Variants in FXYD5 observed in about 807,000 individuals in gnomAD.
The protein encoded by FXYD5 is FXYD domain-containing ion transport regulator 5.
In FXYD5, 21 loss-of-function variants were observed where a neutral mutation model predicts 25.7. The ratio of observed to expected loss-of-function variants is 0.82; its 90% CI spans 0.58 to 1.18. The LOEUF is 1.18. Among genes scored for constraint, FXYD5 ranks in the 50% most tolerant of loss-of-function variants. FXYD5 has a pLI of 0.00. For synonymous variants in FXYD5, 101 were observed against 90.7 expected (o/e 1.11, Z -0.64); for missense variants, 229 against 227.7 (o/e 1.01, Z -0.04).
chr19:35,168,184 T>A (rs1688045), intron 8 of FXYD5, among the ~76,000 whole-genome samples: 126,849 of 152,170 alleles, frequency 0.83, 53,322 homozygotes, highest in African/African-American at 0.95. Context: ...ATTTGTGGGC[T>A]CCTAGTCTGT....
At chr19:35,157,188 G>C (rs2065363545) in intron 2 of FXYD5, among the ~76,000 whole-genome samples, 1 of 152,150 alleles carries the variant, frequency 6.6e-6, no homozygotes, top group Non-Finnish European at 1.5e-5. Context: ...GGGCTCACTA[G>C]ACTAAACTGA....
At chr19:35,162,754 G>T (rs1313785849) in intron 5 of FXYD5, among the ~76,000 whole-genome samples, 2 of 152,146 alleles carry the variant, frequency 1.3e-5, no homozygotes, top group Non-Finnish European at 2.9e-5. Context: ...CCCTACTTGG[G>T]ATTTCAAAGG....
In FXYD5 at chr19:35,157,492, C is replaced by A. The variant is rs761529729; in HGVS notation, c.133C>A (p.Arg45=). 21 of 1,537,892 alleles carry A rather than the reference C, an allele frequency of 1.4e-5. No individual in the cohort carries two copies. In the African/African-American group the frequency reaches 2.6e-4, roughly 19 times the overall value. The change falls in exon 3 of 9, where the codon CGA becomes AGA. Residue 45 remains arginine (R), a synonymous_variant. Coordinates refer to ENST00000392219, the MANE Select transcript of FXYD5 (RefSeq NM_014164.6). ...TATCATGGACATTCAGGTCCCGACA[C>A]GAGCCCCAGGTGAGGAAAGGGACAC... ...STIMDIQVPT[R]APDAVYTELQ...
chr19:35,169,759 G>T lies in FXYD5; in HGVS notation c.*144G>T. 1 of 650,578 alleles carries T rather than the reference G, an allele frequency of 1.5e-6. No homozygotes were observed. The highest frequency in any genetic ancestry group is 2.8e-6 in the Non-Finnish European group (1 of 361,900). 40.3% of individuals were successfully genotyped at this position (650,578 alleles called of 1,614,324 possible). A position where few individuals can be genotyped will look rare whatever the true frequency, so the allele number is the denominator to read the frequency against. On this transcript the variant is annotated 3_prime_UTR_variant, in exon 9 of 9. Coordinates refer to ENST00000392219, the MANE Select transcript of FXYD5 (RefSeq NM_014164.6). ...AGATGATGAAGCTGGAGCCAGGGCTGCCGGTCCGAGTCTCCTACCTCCCCC... is the reference window on the plus strand; with the variant it reads ...AGATGATGAAGCTGGAGCCAGGGCTTCCGGTCCGAGTCTCCTACCTCCCCC...
intron 6 of FXYD5, among the ~76,000 whole-genome samples, chr19:35,165,250 C>G (rs2065440555): frequency 6.6e-6 from 1 of 152,226 alleles, no homozygotes; most frequent in Non-Finnish European, 1.5e-5. Flanking sequence ...CCACAGGCTG[C>G]TGGTTGCCTG....
intron 4 of FXYD5, among the ~76,000 whole-genome samples, chr19:35,159,329 C>T (rs528751411): frequency 6.6e-6 from 1 of 152,288 alleles, no homozygotes; most frequent in South Asian, 2.1e-4. Context: ...CCAGTGATAC[C>T]ACATCCCATG....
intron 8 of FXYD5, among the ~76,000 whole-genome samples, chr19:35,167,021 A>G (rs1470512076): frequency 6.6e-6 from 1 of 152,148 alleles, no homozygotes; most frequent in African/African-American, 2.4e-5. Context: ...AACCCCACCC[A>G]CTCAATCCAG....
At chr19:35,156,286 G>A (rs950269293) in intron 2 of FXYD5, among the ~76,000 whole-genome samples, 7 of 152,260 alleles carry the variant, frequency 4.6e-5, no homozygotes, top group East Asian at 1.9e-4. Context: ...CACTGAAGGC[G>A]CCCTCATTTC....
chr19:35,169,845 T>C lies in FXYD5; in HGVS notation c.*230T>C, dbSNP rs2065483842. On this transcript the variant is annotated 3_prime_UTR_variant, in exon 9 of 9. Transcript: ENST00000392219. ...GGGGGCTGTCCCTCAAGTTATCTCC[T>C]CTGCTAAGACAAAAAGTAAAGCACT... The C allele has an allele frequency of 3.5e-6, 2 of 566,640 alleles. No individual in the cohort carries two copies. The highest frequency in any genetic ancestry group is 4.1e-5 in the South Asian group (2 of 48,452). The allele number at this position is 566,640 out of a possible 1,614,324, so 35.1% of individuals were successfully genotyped here. A position where few individuals can be genotyped will look rare whatever the true frequency, so the allele number is the denominator to read the frequency against.
intron 4 of FXYD5, chr19:35,159,401 T>C: frequency 1.4e-6 from 2 of 1,431,952 alleles, no homozygotes; most frequent in Non-Finnish European, 9.3e-7. Flanking sequence ...AAGGAGACCT[T>C]ATGATTGTTC....
chr19:35,161,221 A>AACACACACACACACACACACACACAC (rs147168736), intron 5 of FXYD5, among the ~76,000 whole-genome samples: 3 of 38,202 alleles, frequency 7.9e-5, no homozygotes, highest in African/African-American at 1.1e-4. Context: ...ATTCACCTTA[A>AACACACACACACACACACACACACAC]ACACACACAC....
chr19:35,163,739 C>T (rs1226763407), intron 5 of FXYD5, among the ~76,000 whole-genome samples: 1 of 152,144 alleles, frequency 6.6e-6, no homozygotes, highest in Non-Finnish European at 1.5e-5. Context: ...GCCTCAGTCT[C>T]CCAAAGTGCT....
chr19:35,157,444 T>C lies in FXYD5; in HGVS notation c.85T>C (p.Ser29Pro). 1 of 1,596,836 alleles carries C rather than the reference T, an allele frequency of 6.3e-7. No individual in the cohort carries two copies. Among genetic ancestry groups the C allele is most frequent in the South Asian group, 1.1e-5 (1 of 90,764 alleles). ...AGGACAGACGTTGAAAGATACCACGTCCAGTTCTTCAGCAGACTCAACTAT... is the reference window on the plus strand; with the variant it reads ...AGGACAGACGTTGAAAGATACCACGCCCAGTTCTTCAGCAGACTCAACTAT... ...TRGQTLKDTT[S>P]SSSADSTIMD... Residue 29 changes from serine (S) to proline (P), a missense_variant, in exon 3 of 9, where the codon TCC becomes CCC. By Grantham distance (74) the Ser-to-Pro change is moderately conservative. Transcript: ENST00000392219.
chr19:35,169,509 C>G (rs993568021), intron 8 of FXYD5, 57 bp from the exon 9 acceptor site: 2 of 1,315,326 alleles, frequency 1.5e-6, no homozygotes, highest in Non-Finnish European at 2.2e-6. Flanking sequence ...CCCCACAACA[C>G]ACGATAAGAA....
intron 6 of FXYD5, among the ~76,000 whole-genome samples, chr19:35,164,989 A>C (rs552544616): frequency 1.3e-5 from 2 of 152,362 alleles, no homozygotes; most frequent in South Asian, 2.1e-4. Context: ...GGAGACTTTC[A>C]GATTTCAGAT....
chr19:35,165,578 C>A (rs996311218), intron 6 of FXYD5, among the ~76,000 whole-genome samples: 9 of 152,000 alleles, frequency 5.9e-5, no homozygotes, highest in African/African-American at 2.2e-4. Flanking sequence ...CCTTTATGAC[C>A]TGTATCTCGT....
At chr19:35,166,230 C>A in intron 7 of FXYD5, 21 bp from the exon 8 acceptor site, 1 of 1,610,830 alleles carries the variant, frequency 6.2e-7, no homozygotes, top group Non-Finnish European at 8.5e-7. Context: ...TGACTCTACC[C>A]CTTCATTTTT....
chr19:35,158,548 A>C (rs2065377796), intron 4 of FXYD5, 148 bp downstream of exon 4: 3 of 573,992 alleles, frequency 5.2e-6, no homozygotes, highest in Non-Finnish European at 9.5e-6. Context: ...GGGACAGCCA[A>C]CTCCATTCAA....
intron 2 of FXYD5, among the ~76,000 whole-genome samples, chr19:35,156,336 T>A (rs1364162749): frequency 6.6e-6 from 1 of 152,256 alleles, no homozygotes; most frequent in Admixed American, 6.5e-5. Flanking sequence ...TTCAGTCATT[T>A]GACAAATATT....
Sources: allele counts gnomAD v4.1 joint callset (sites outside exome capture counted in the v4.1 genomes callset), GRCh38; gene constraint gnomAD v4.1.1; transcripts MANE v1.5; gene names NCBI Gene and HGNC (gene_info 2026-07-23, HGNC 2026-07-21).